The following PSG6 variants were observed in gnomAD, a reference collection of about 807,000 sequenced individuals.
PSG6 encodes pregnancy-specific beta-1-glycoprotein 6.
Under a neutral mutation model 43.3 loss-of-function variants are expected in PSG6, and 51 were observed. That is an observed-to-expected ratio of 1.18 (90% CI 0.94 to 1.49). The LOEUF is 1.49. Ranked by LOEUF, PSG6 falls within the 40% of genes most tolerant of loss-of-function variation. The pLI is 0.00. For missense variants in PSG6, 770 were observed against 522.2 expected (o/e 1.47, Z -4.62); for synonymous variants, 292 against 197.6 (o/e 1.48, Z -4.01).
At position 42,906,986 on chromosome 19, in the gene PSG6, A is replaced by T. The variant is rs895789429; in HGVS notation, c.1176T>A (p.Ala392=). 1 of 1,612,330 alleles carries T rather than the reference A, an allele frequency of 6.2e-7. No homozygotes were observed. The highest frequency in any genetic ancestry group is 8.5e-7 in the Non-Finnish European group (1 of 1,179,114). Residue 392 remains alanine, a synonymous_variant, in exon 5 of 6, where the codon GCT becomes GCA. Coordinates refer to ENST00000187910, the MANE Select transcript of PSG6 (RefSeq NM_001031850.4). ...QITTNHSGLY[A]CSVRNSATGK... The stretch of plus-strand genomic sequence containing the variant: ...CAGTGGCTGAGTTACGAACAGAGCA[A>T]GCATAGAGCCCGCTATGATTTGTAG...
At chr19:42,905,272 A>G (rs1440998300) in intron 5 of PSG6, among the ~76,000 whole-genome samples, 2 of 151,850 alleles carry the variant, frequency 1.3e-5, no homozygotes, top group South Asian at 2.1e-4. Context: ...ATCAGACTTC[A>G]TAAAAATCAA....
intron 5 of PSG6, 43 bp from the exon 6 acceptor site, chr19:42,902,489 A>G (rs768814586): frequency 1.6e-5 from 26 of 1,603,598 alleles, no homozygotes; most frequent in South Asian, 2.2e-5. Context: ...CAAATTCACT[A>G]CCTCCTTTAC....
In PSG6 at chr19:42,902,310, T is replaced by C; in HGVS notation, c.*102A>G. 1.5e-6 allele frequency: 2 copies of C among 1,323,746 alleles called. No individual in the cohort carries two copies. The highest frequency in any genetic ancestry group is 2.1e-6 in the Non-Finnish European group (2 of 959,156). 82.0% of individuals were successfully genotyped at this position (1,323,746 alleles called of 1,614,324 possible). ...AAAAATTATGAAAACATTATCCTTT[T>C]GATTATTTAGTCCAATAACATTGAG... On this transcript the variant is annotated 3_prime_UTR_variant, in exon 6 of 6. Coordinates refer to ENST00000187910, the MANE Select transcript of PSG6 (RefSeq NM_001031850.4).
intron 5 of PSG6, among the ~76,000 whole-genome samples, chr19:42,903,176 C>T (rs888787280): frequency 1.1e-4 from 17 of 151,746 alleles, no homozygotes; most frequent in East Asian, 1.9e-4. Flanking sequence ...TAGCAGCTGA[C>T]ATTGGTTCCT....
intron 3 of PSG6, among the ~76,000 whole-genome samples, chr19:42,908,604 C>T (rs1369574221): frequency 1.3e-5 from 2 of 151,736 alleles, no homozygotes; most frequent in Non-Finnish European, 2.9e-5. Flanking sequence ...TAAGTTTCCT[C>T]TCCTTCTGCA....
At chr19:42,905,704 A>G (rs562004148) in intron 5 of PSG6, among the ~76,000 whole-genome samples, 12 of 151,756 alleles carry the variant, frequency 7.9e-5, no homozygotes, top group Non-Finnish European at 1.5e-4. Flanking sequence ...TAGGCAAATG[A>G]GATGTATCTA....
rs890223177 is a variant in PSG6 at position 42,913,254 on chromosome 19, C to T, written c.428-2396G>A. ...CAAGCTCCACCTCCTGGGTTCATGC[C>T]ATTCTCCTGCCTCGGCCTCCCAAGT... On this transcript the variant is annotated intron_variant, in intron 2 of 5. Coordinates refer to ENST00000187910, the MANE Select transcript of PSG6 (RefSeq NM_001031850.4). 1.5e-4 allele frequency among the ~76,000 whole-genome samples: 23 copies of T among 151,516 alleles called. 1 individual carries two copies. The highest frequency in any genetic ancestry group is 2.2e-4 in the Non-Finnish European group (15 of 67,894).
intron 2 of PSG6, among the ~76,000 whole-genome samples, chr19:42,911,748 G>T (rs1322873205): frequency 2.0e-5 from 3 of 151,750 alleles, no homozygotes; most frequent in Non-Finnish European, 4.4e-5. Flanking sequence ...GTGTTTGGTG[G>T]ATATTAGACC....
Position 42,910,782 on chromosome 19 carries a change from A to C in PSG6, c.504T>G (p.Cys168Trp), listed in dbSNP as rs776932148. The C allele has an allele frequency of 2.5e-6, 4 of 1,612,274 alleles. No homozygotes were observed. In the African/African-American group the frequency reaches 5.4e-5, roughly 22 times the overall value. The change falls in exon 3 of 6, where the codon TGT (cysteine) becomes TGG (tryptophan). Residue 168 changes from cysteine (C) to tryptophan (W), a missense_variant. By Grantham distance (215) the Cys-to-Trp change is radical (BLOSUM62 -2). Transcript: ENST00000187910. ...AGCTTGCATCCGGAGTCTCAGGATC[A>C]CAGATTAAGCGCACAGCCTCCATGA... ...REVMEAVRLI[C>W]DPETPDASYL...
chr19:42,916,607 CAT>C, intron 1 of PSG6, 120 bp from the exon 2 acceptor site: 2 of 1,360,384 alleles, frequency 1.5e-6, no homozygotes, highest in Middle Eastern at 2.1e-4. Flanking sequence ...CACACACACA[CAT>C]ACAAACACAC....
chr19:42,916,079 A>G (rs752546341), intron 2 of PSG6, 46 bp downstream of exon 2: 19 of 1,604,182 alleles, frequency 1.2e-5, no homozygotes, highest in Middle Eastern at 3.3e-4. Flanking sequence ...TGAAGTAGAA[A>G]TGACCCCTGC....
Position 42,907,703 on chromosome 19 carries a change from C to A in PSG6, c.858G>T (p.Lys286Asn). The part of the protein sequence containing the change: ...GQSLPVSPRV[K>N]RPIENRILIL... ...TGAGTATCCTGTTTTCAATGGGTCG[C>A]TTTACCCTCGGACTGACCGGGAGGC... Residue 286 changes from lysine to asparagine, a missense_variant, in exon 4 of 6, where the codon AAG (lysine) becomes AAT (asparagine). Transcript: ENST00000187910. 6.2e-7 allele frequency: 1 copy of A among 1,610,898 alleles called. No individual in the cohort carries two copies. The highest frequency in any genetic ancestry group is 8.5e-7 in the Non-Finnish European group (1 of 1,179,116).
At chr19:42,905,215 T>G (rs747495029) in intron 5 of PSG6, among the ~76,000 whole-genome samples, 2 of 151,734 alleles carry the variant, frequency 1.3e-5, no homozygotes, top group Non-Finnish European at 2.9e-5. Flanking sequence ...TCACAATGAT[T>G]TCTTGGTTGT....
At chr19:42,908,746 G>T (rs1972165300) in intron 3 of PSG6, among the ~76,000 whole-genome samples, 1 of 151,786 alleles carries the variant, frequency 6.6e-6, no homozygotes, top group Non-Finnish European at 1.5e-5. Context: ...GTGTTTGATG[G>T]ATATGAGACA....
rs926123227 is a variant in PSG6 at position 42,907,042 on chromosome 19, A to G, written c.1120T>C (p.Ser374Pro). Residue 374 changes from serine to proline, a missense_variant, in exon 5 of 6, where the codon TCA becomes CCA. Physicochemically the swap from Ser to Pro is moderately conservative, Grantham distance 74 (BLOSUM62 -1). Transcript: ENST00000187910. ...SWTINGKFQL[S>P]GQKLFIPQIT... ...TGGGGGATAAAGAGCTTTTGTCCTG[A>G]TAGCTGAAACTTCCCATTAATTGTC... 6.2e-7 allele frequency: 1 copy of G among 1,612,518 alleles called. No homozygotes were observed. The highest frequency in any genetic ancestry group is 1.3e-5 in the African/African-American group (1 of 74,752).
At chr19:42,905,912 T>G (rs1438545886) in intron 5 of PSG6, among the ~76,000 whole-genome samples, 2 of 151,322 alleles carry the variant, frequency 1.3e-5, no homozygotes, top group African/African-American at 2.4e-5. Context: ...TGTTAAGGGT[T>G]AGGGGGAGAA....
chr19:42,912,859 C>T (rs1046484674), intron 2 of PSG6, among the ~76,000 whole-genome samples: 1 of 151,676 alleles, frequency 6.6e-6, no homozygotes, highest in Non-Finnish European at 1.5e-5. Context: ...GCAGTAAAAC[C>T]ATGAGATAGG....
chr19:42,912,622 C>T (rs1363321016), intron 2 of PSG6, among the ~76,000 whole-genome samples: 7 of 151,780 alleles, frequency 4.6e-5, no homozygotes, highest in Admixed American at 3.9e-4. Flanking sequence ...AAAGAACCTG[C>T]TTCTAATTTC....
intron 2 of PSG6, among the ~76,000 whole-genome samples, chr19:42,911,664 T>G (rs1972229237): frequency 6.6e-6 from 1 of 151,796 alleles, no homozygotes; most frequent in Admixed American, 6.6e-5. Context: ...TGTTGATGTT[T>G]GCAAATGCAG....
Sources: gnomAD v4.1 joint callset for allele counts (sites outside exome capture counted in the v4.1 genomes callset) on GRCh38, gnomAD v4.1.1 for gene constraint, MANE v1.5 for transcripts, NCBI Gene and HGNC (gene_info 2026-07-23, HGNC 2026-07-21) for gene names.